SBNO2: variants seen among roughly 807,000 people sequenced by gnomAD.
The protein encoded by SBNO2 is strawberry notch homolog 2.
SBNO2 carries 89 observed loss-of-function variants against 146.3 expected under a neutral mutation model. The observed-to-expected ratio is 0.61, with a 90% CI of 0.51 to 0.73. SBNO2 has a LOEUF of 0.73. SBNO2 is among the 30% of genes least tolerant of loss of function. The pLI, the probability that SBNO2 is intolerant of heterozygous loss-of-function variation, is 0.00. For synonymous variants in SBNO2, 1,147 were observed against 892.6 expected (o/e 1.29, Z -5.08); for missense variants, 2,092 against 2,003.7 (o/e 1.04, Z -0.84).
At chr19:1,120,132 G>A (rs1292054701) in intron 11 of SBNO2, 109 bp from the exon 12 acceptor site, 3 of 861,684 alleles carry the variant, frequency 3.5e-6, no homozygotes, top group East Asian at 2.7e-5. Flanking sequence ...AAACGCCTGT[G>A]CGGCTGAGAA....
chr19:1,121,023 C>G (rs935757559), intron 11 of SBNO2, among the ~76,000 whole-genome samples: 1 of 152,166 alleles, frequency 6.6e-6, no homozygotes, highest in African/African-American at 2.4e-5. Context: ...TCCCGGGTAG[C>G]TGGGATTACA....
At position 1,150,230 on chromosome 19, in the gene SBNO2, C is replaced by T. The variant is rs534577466; in HGVS notation, c.94-788G>A. Among the ~76,000 whole-genome samples, 12 of 152,268 alleles carry T rather than the reference C, an allele frequency of 7.9e-5. No homozygotes were observed. The highest frequency in any genetic ancestry group is 2.4e-4 in the African/African-American group (10 of 41,536). On this transcript the variant is annotated intron_variant, in intron 2 of 31. Transcript: ENST00000361757. The surrounding 1 kb of genome is among the most constrained non-coding windows in gnomAD (Gnocchi z 6.2). Reference sequence around the variant, plus strand: ...TGCCTGCCCTTGGGAATGAGAGCGGCTTGAGGCACACGGCAGGCCCCAAAA... The same window carrying T: ...TGCCTGCCCTTGGGAATGAGAGCGGTTTGAGGCACACGGCAGGCCCCAAAA...
In SBNO2 at chr19:1,144,908, A is replaced by AC. The variant is rs2080174217; in HGVS notation, c.279+2400_279+2401insG. Among the ~76,000 whole-genome samples, 2 of 118,344 alleles carry AC rather than the reference A, an allele frequency of 1.7e-5. No homozygotes were observed. The highest frequency in any genetic ancestry group is 2.9e-4 in the East Asian group (1 of 3,490). The allele number at this position is 118,344 out of a possible 152,430, so 77.6% of individuals were successfully genotyped here. A position where few individuals can be genotyped will look rare whatever the true frequency, so the allele number is the denominator to read the frequency against. ...GGGAGACAGAGAGACAGAGGCGGAG[A>AC]TGGAGACAGAGACAGAGAGACAGAG... On this transcript the variant is annotated intron_variant, in intron 4 of 31. Transcript: ENST00000361757. This position sits in a 1 kb window ranked among gnomAD's most constrained non-coding sequence, Gnocchi z 4.1.
chr19:1,108,122 C>T lies in SBNO2; in HGVS notation c.*98G>A. 7.6e-7 allele frequency: 1 copy of T among 1,308,554 alleles called. No homozygotes were observed. Among genetic ancestry groups the T allele is most frequent in the Non-Finnish European group, 1.0e-6 (1 of 999,448 alleles). The allele number at this position is 1,308,554 out of a possible 1,614,324, so 81.1% of individuals were successfully genotyped here. On this transcript the variant is annotated 3_prime_UTR_variant, in exon 32 of 32. Coordinates refer to ENST00000361757, the MANE Select transcript of SBNO2 (RefSeq NM_014963.3). Reference sequence around the variant, plus strand: ...ACTGCGGCCAGGGCCTAGGGCTCCTCTGAGCAGTGGTCAGGGGACCTTGGC... The same window carrying T: ...ACTGCGGCCAGGGCCTAGGGCTCCTTTGAGCAGTGGTCAGGGGACCTTGGC...
intron 7 of SBNO2, among the ~76,000 whole-genome samples, 172 bp from the exon 8 acceptor site, chr19:1,123,217 A>T (rs929601624): frequency 2.0e-5 from 3 of 150,196 alleles, no homozygotes; most frequent in Non-Finnish European, 4.4e-5. Flanking sequence ...GCCTGGGTGG[A>T]GGAGTGGTCA....
intron 1 of SBNO2, among the ~76,000 whole-genome samples, chr19:1,156,722 T>A (rs2080292891): frequency 6.6e-6 from 1 of 152,118 alleles, no homozygotes; most frequent in Non-Finnish European, 1.5e-5. Context: ...CTTGAGGACG[T>A]CACGCTCTGT....
At chr19:1,121,409 T>G (rs990203469) in intron 11 of SBNO2, among the ~76,000 whole-genome samples, 3 of 152,210 alleles carry the variant, frequency 2.0e-5, no homozygotes, top group African/African-American at 7.2e-5. Context: ...CTGGCCAGTC[T>G]GAATGTTCTG....
At position 1,111,020 on chromosome 19, in the gene SBNO2, C is replaced by T; in HGVS notation, c.2883G>A (p.Lys961=). 18 of 1,587,532 alleles carry T rather than the reference C, an allele frequency of 1.1e-5. No homozygotes were observed. The highest frequency in any genetic ancestry group is 1.4e-5 in the Non-Finnish European group (16 of 1,167,700). ...ESRNGCLDVE[K]DCSITKFLNR... ...TGGGCCTGGGTGTGGGGCACTCACCCTTCTCCACGTCCAGGCAGCCATTCC... is the reference window on the plus strand; with the variant it reads ...TGGGCCTGGGTGTGGGGCACTCACCTTTCTCCACGTCCAGGCAGCCATTCC... Residue 961 remains lysine (K), a splice_region_variant and synonymous_variant, in exon 25 of 32, where the codon AAG becomes AAA. Coordinates refer to ENST00000361757, the MANE Select transcript of SBNO2 (RefSeq NM_014963.3).
intron 2 of SBNO2, 103 bp downstream of exon 2, chr19:1,154,081 G>T: frequency 2.0e-6 from 1 of 508,716 alleles, no homozygotes; most frequent in South Asian, 1.0e-4. Context: ...ATCACGCCGC[G>T]TCCACTGGGG....
At position 1,119,918 on chromosome 19, in the gene SBNO2, C is replaced by A; in HGVS notation, c.1255G>T (p.Ala419Ser). ...NKLPLARVVY[A>S]SATGASEPRN... ...CGCACCGCCCCACCTGTGGCGCTGG[C>A]GTAGACCACGCGGGCCAGGGGCAGC... Residue 419 changes from alanine to serine, a missense_variant, in exon 12 of 32, where the codon GCC (alanine) becomes TCC (serine). By Grantham distance (99) the Ala-to-Ser change is moderately conservative. Coordinates refer to ENST00000361757, the MANE Select transcript of SBNO2 (RefSeq NM_014963.3). 6.5e-7 allele frequency: 1 copy of A among 1,547,118 alleles called. No individual in the cohort carries two copies.
chr19:1,141,147 T>A (rs2080133402), intron 4 of SBNO2, among the ~76,000 whole-genome samples: 1 of 150,754 alleles, frequency 6.6e-6, no homozygotes, highest in South Asian at 2.1e-4. Context: ...GAGAACTGCC[T>A]CTTCGGGGGC....
rs747420226 is a variant in SBNO2 at position 1,111,525 on chromosome 19, C to A, written c.2790G>T (p.Gly930=). Residue 930 remains glycine (G), a synonymous_variant, in exon 24 of 32, where the codon GGG becomes GGT. Coordinates refer to ENST00000361757, the MANE Select transcript of SBNO2 (RefSeq NM_014963.3). Reference sequence around the variant, plus strand: ...GCTTACCCCGGAAGAAGGTGGGGACCCCTCCAGGGTATCCCTGGGGCACAG... The same window carrying A: ...GCTTACCCCGGAAGAAGGTGGGGACACCTCCAGGGTATCCCTGGGGCACAG... ...KVPVPQGYPG[G]VPTFFRDMKQ... The A allele has an allele frequency of 6.3e-7, 1 of 1,585,210 alleles. No homozygotes were observed. The highest frequency in any genetic ancestry group is 1.2e-5 in the South Asian group (1 of 86,574).
chr19:1,150,901 G>A lies in SBNO2; in HGVS notation c.94-1459C>T, dbSNP rs528301547. ...AAGCCCTCGGGGTGACCGCTGCCCC[G>A]CTCCTCCAGCTTTTGCATAAAATAA... On this transcript the variant is annotated intron_variant, in intron 2 of 31. Transcript: ENST00000361757. The surrounding 1 kb of genome is among the most constrained non-coding windows in gnomAD (Gnocchi z 6.2). Among the ~76,000 whole-genome samples the A allele has an allele frequency of 1.7e-4, 26 of 152,196 alleles. No homozygotes were observed. Among genetic ancestry groups the A allele is most frequent in the Admixed American group, 1.4e-3 (21 of 15,290 alleles).
Position 1,164,952 on chromosome 19 carries a change from A to C in SBNO2, c.-127+9220T>G, listed in dbSNP as rs867715555. On this transcript the variant is annotated intron_variant, in intron 1 of 31. Transcript: ENST00000361757. Reference sequence around the variant, plus strand: ...GAGGCACAGGAGGAGGAGGAGGAGGAACAGGAGGAGGAGGAGGAACAGGAG... The same window carrying C: ...GAGGCACAGGAGGAGGAGGAGGAGGCACAGGAGGAGGAGGAGGAACAGGAG... Among the ~76,000 whole-genome samples the C allele has an allele frequency of 1.1e-3, 74 of 66,154 alleles. 2 individuals carry two copies. Among genetic ancestry groups the C allele is most frequent in the African/African-American group, 3.4e-3 (56 of 16,274 alleles). The allele number at this position is 66,154 out of a possible 152,430, so 43.4% of individuals were successfully genotyped here.
intron 1 of SBNO2, among the ~76,000 whole-genome samples, chr19:1,172,923 G>A (rs927967385): frequency 6.6e-6 from 1 of 151,780 alleles, no homozygotes; most frequent in Admixed American, 6.6e-5. Flanking sequence ...GACGTTCTGA[G>A]CAGGCGGGAA....
chr19:1,153,783 C>A (rs1401454147), intron 2 of SBNO2, among the ~76,000 whole-genome samples: 2 of 152,172 alleles, frequency 1.3e-5, no homozygotes, highest in East Asian at 3.8e-4. Context: ...GGTGATCTGC[C>A]CACCTCCACC....
At chr19:1,111,958 C>T (rs1414238871) in intron 23 of SBNO2, 38 bp downstream of exon 23, 2 of 1,557,978 alleles carry the variant, frequency 1.3e-6, no homozygotes, top group Non-Finnish European at 8.8e-7. Flanking sequence ...AGACCCCTGC[C>T]CCTGCCCCGC....
In SBNO2 at chr19:1,112,839, C is replaced by T; in HGVS notation, c.2358G>A (p.Gln786=). The T allele has an allele frequency of 6.3e-7, 1 of 1,575,100 alleles. No homozygotes were observed. The highest frequency in any genetic ancestry group is 8.6e-7 in the Non-Finnish European group (1 of 1,161,990). The change falls in exon 20 of 32, where the codon CAG becomes CAA. Residue 786 remains glutamine, a synonymous_variant. Coordinates refer to ENST00000361757, the MANE Select transcript of SBNO2 (RefSeq NM_014963.3). The surrounding 1 kb of genome is among the most constrained non-coding windows in gnomAD (Gnocchi z 5.9). ...GCACCTTCTCGCCGCTCATGAAGCG[C>T]TGCTTCTCCCTGAGGTTCACGTGGT... ...SIDHVNLREK[Q]RFMSGEKLVA...
Position 1,112,254 on chromosome 19 carries a change from G to A in SBNO2, c.2563C>T (p.Leu855Phe), listed in dbSNP as rs777077360. 6.3e-7 allele frequency: 1 copy of A among 1,593,588 alleles called. No individual in the cohort carries two copies. Among genetic ancestry groups the A allele is most frequent in the South Asian group, 1.1e-5 (1 of 88,290 alleles). ...CGCTCCCCGGCCAGCTCCGAGATGA[G>A]GAAGACATACTCTGGCGCGGAGACC... is the stretch of plus-strand genomic sequence containing the variant. ...NQVSAPEYVF[L>F]ISELAGERRF... is the part of the protein sequence containing the mutation. The change falls in exon 22 of 32, where the codon CTC (leucine) becomes TTC (phenylalanine). Residue 855 changes from leucine to phenylalanine, a missense_variant. Physicochemically the swap from Leu to Phe is conservative, Grantham distance 22. Transcript: ENST00000361757. The surrounding 1 kb of genome is among the most constrained non-coding windows in gnomAD (Gnocchi z 5.9).
Sources: gnomAD v4.1 joint callset for allele counts (sites outside exome capture counted in the v4.1 genomes callset) on GRCh38, gnomAD v4.1.1 for gene constraint, Gnocchi (gnomAD v3.1) non-coding constraint, MANE v1.5 for transcripts, NCBI Gene and HGNC (gene_info 2026-07-23, HGNC 2026-07-21) for gene names.